The following EHMT1 variants were observed in gnomAD, a reference collection of about 807,000 sequenced individuals.
EHMT1 encodes euchromatic histone lysine methyltransferase 1.
In EHMT1, 15 loss-of-function variants were observed where a neutral mutation model predicts 147.2. The observed-to-expected ratio is 0.10, with a 90% CI of 0.07 to 0.16. The LOEUF is 0.16. Ranked by LOEUF, EHMT1 falls within the 10% of genes least tolerant of loss-of-function variation. EHMT1 has a pLI of 1.00. For missense variants in EHMT1, 1,587 were observed against 1,772.4 expected (o/e 0.90, Z 1.88); for synonymous variants, 795 against 709.6 (o/e 1.12, Z -1.91).
rs1951616068 is a variant in EHMT1, at chr9:137,782,257, C to G, written c.2276-34C>G. ...CCTGAGCTGGAGTCTGTGGCTACATCTGAAATCATTAATAAAACTGTGTTT... is the reference window on the plus strand; with the variant it reads ...CCTGAGCTGGAGTCTGTGGCTACATGTGAAATCATTAATAAAACTGTGTTT... On this transcript the variant is annotated intron_variant, in intron 14 of 26. Coordinates refer to ENST00000460843, the MANE Select transcript of EHMT1 (RefSeq NM_024757.5). This position sits in a 1 kb window ranked among gnomAD's most constrained non-coding sequence, Gnocchi z 5.7. The G allele has an allele frequency of 2.5e-6, 4 of 1,577,600 alleles. No individual in the cohort carries two copies. The highest frequency in any genetic ancestry group is 3.3e-4 in the Middle Eastern group (2 of 6,022).
At chr9:137,694,755 G>T (rs1943257339) in intron 1 of EHMT1, among the ~76,000 whole-genome samples, 3 of 152,208 alleles carry the variant, frequency 2.0e-5, no homozygotes, top group African/African-American at 7.2e-5. Context: ...TGGCGAGCAG[G>T]TGATCAGGCG....
chr9:137,710,048 T>G (rs1239066427), intron 1 of EHMT1, among the ~76,000 whole-genome samples: 1 of 152,034 alleles, frequency 6.6e-6, no homozygotes, highest in East Asian at 1.9e-4. Context: ...CCTTATGGAC[T>G]CCATGGTCCT....
chr9:137,719,712 G>A (rs903102480), intron 3 of EHMT1, among the ~76,000 whole-genome samples: 1 of 152,164 alleles, frequency 6.6e-6, no homozygotes, highest in Non-Finnish European at 1.5e-5. Context: ...AAGTCCGTGG[G>A]GCTTACTCAG....
chr9:137,811,355 C>A, intron 18 of EHMT1, 106 bp from the exon 19 acceptor site: 1 of 1,538,138 alleles, frequency 6.5e-7, no homozygotes, highest in Non-Finnish European at 8.9e-7. Flanking sequence ...GCCACGCATG[C>A]TCCAGAGCCT....
chr9:137,773,878 C>T (rs1333463316), intron 10 of EHMT1, among the ~76,000 whole-genome samples: 1 of 152,150 alleles, frequency 6.6e-6, no homozygotes, highest in Non-Finnish European at 1.5e-5. Context: ...GGGGGGGCTA[C>T]TTCTTGTTTT....
chr9:137,831,386 CCTT>C (rs781408551), intron 25 of EHMT1, among the ~76,000 whole-genome samples: 11 of 152,190 alleles, frequency 7.2e-5, no homozygotes, highest in South Asian at 2.1e-4. Flanking sequence ...AAATCTTTCT[CCTT>C]CTTTTTGGGG....
intron 1 of EHMT1, among the ~76,000 whole-genome samples, chr9:137,631,847 C>T (rs529365155): frequency 6.6e-5 from 10 of 152,196 alleles, no homozygotes; most frequent in Admixed American, 2.0e-4. Context: ...CACTGCACTT[C>T]AGTCTGGGCA....
intron 1 of EHMT1, among the ~76,000 whole-genome samples, chr9:137,654,294 A>G (rs1444585566): frequency 6.6e-6 from 1 of 151,576 alleles, no homozygotes; most frequent in African/African-American, 2.4e-5. Flanking sequence ...GACGTGGGAG[A>G]TGGAGGTTGC....
chr9:137,773,327 G>A (rs1056960493), intron 10 of EHMT1, among the ~76,000 whole-genome samples: 4 of 151,756 alleles, frequency 2.6e-5, no homozygotes, highest in African/African-American at 9.7e-5. Context: ...GTGGTGTGGA[G>A]GGGGCATTTT....
intron 25 of EHMT1, chr9:137,833,031 C>A (rs1956328317): frequency 6.6e-6 from 1 of 152,354 alleles, no homozygotes; most frequent in South Asian, 2.1e-4. Flanking sequence ...CTGGTCCTGT[C>A]CTGCGGCCGT....
chr9:137,736,511 G>A (rs1291386452), intron 4 of EHMT1, among the ~76,000 whole-genome samples: 2 of 152,244 alleles, frequency 1.3e-5, no homozygotes, highest in African/African-American at 4.8e-5. Flanking sequence ...ACAGCAGCAT[G>A]TACACTCTTC....
In EHMT1 at chr9:137,787,916, G is replaced by C; in HGVS notation, c.2383-2932G>C. ...CCACATTGGGAGTGTAGATTGGCAA[G>C]TAGGAGGTGGGCAGCTGCCCCCAGA... On this transcript the variant is annotated intron_variant, in intron 15 of 26. Coordinates refer to ENST00000460843, the MANE Select transcript of EHMT1 (RefSeq NM_024757.5). The surrounding 1 kb of genome is among the most constrained non-coding windows in gnomAD (Gnocchi z 4.2). 1 of 1,481,996 alleles carries C rather than the reference G, an allele frequency of 6.7e-7. No individual in the cohort carries two copies. The highest frequency in any genetic ancestry group is 9.4e-7 in the Non-Finnish European group (1 of 1,064,544). 91.8% of individuals were successfully genotyped at this position (1,481,996 alleles called of 1,614,324 possible).
At chr9:137,680,713 T>G (rs947552985) in intron 1 of EHMT1, among the ~76,000 whole-genome samples, 1 of 152,154 alleles carries the variant, frequency 6.6e-6, no homozygotes, top group African/African-American at 2.4e-5. Context: ...GGCCTCAGTG[T>G]GGGGGGATGC....
chr9:137,663,309 G>A (rs1180202642), intron 1 of EHMT1, among the ~76,000 whole-genome samples: 1 of 152,132 alleles, frequency 6.6e-6, no homozygotes, highest in East Asian at 1.9e-4. Context: ...GTAATGATGG[G>A]GTGATGTGGG....
At chr9:137,668,055 T>C (rs1198418043) in intron 1 of EHMT1, among the ~76,000 whole-genome samples, 8 of 152,168 alleles carry the variant, frequency 5.3e-5, no homozygotes, top group Admixed American at 2.0e-4. Flanking sequence ...TTATAGACTT[T>C]TGCAGAACAG....
chr9:137,749,281 T>G (rs144442390), intron 6 of EHMT1, among the ~76,000 whole-genome samples: 3 of 151,860 alleles, frequency 2.0e-5, no homozygotes, highest in Non-Finnish European at 4.4e-5. Flanking sequence ...ACTTTATTAT[T>G]TGTGTGTGTG....
In EHMT1 at chr9:137,788,055, G is replaced by A. The variant is rs56213705; in HGVS notation, c.2383-2793G>A. 13,683 of 1,365,096 alleles carry A rather than the reference G, an allele frequency of 0.01. 1,078 individuals are homozygous for A. The African/African-American group carries it at 0.17, about 17-fold the overall frequency. 84.6% of individuals were successfully genotyped at this position (1,365,096 alleles called of 1,614,324 possible). On this transcript the variant is annotated intron_variant, in intron 15 of 26. Transcript: ENST00000460843. ...GAGGGTTGAGGGCCTGATGGCTCCC[G>A]CTGGCAAAGTCTCCCCCTCCACTCT...
At chr9:137,666,708 T>C (rs1939697719) in intron 1 of EHMT1, among the ~76,000 whole-genome samples, 1 of 152,068 alleles carries the variant, frequency 6.6e-6, no homozygotes, top group Admixed American at 6.5e-5. Context: ...TCCACACGTG[T>C]GGGTTGTGTG....
chr9:137,834,111 C>G, intron 25 of EHMT1: 2 of 599,950 alleles, frequency 3.3e-6, no homozygotes, highest in South Asian at 3.9e-5. Flanking sequence ...CCACCCCCAC[C>G]CCACCACAGA....
Sources: gnomAD v4.1 joint callset for allele counts (sites outside exome capture counted in the v4.1 genomes callset) on GRCh38, gnomAD v4.1.1 for gene constraint, Gnocchi (gnomAD v3.1) non-coding constraint, MANE v1.5 for transcripts, NCBI Gene and HGNC (gene_info 2026-07-23, HGNC 2026-07-21) for gene names.